SCRIB: variants seen among roughly 807,000 people sequenced by gnomAD.
SCRIB encodes scribble planar cell polarity protein.
Under a neutral mutation model 170.0 loss-of-function variants are expected in SCRIB, and 72 were observed. That is an observed-to-expected ratio of 0.42 (90% CI 0.35 to 0.52). SCRIB has a LOEUF of 0.52. SCRIB is among the 20% of genes least tolerant of loss of function. The probability of loss-of-function intolerance (pLI) is 0.02; values close to 1 mark genes in which losing one functional copy is unlikely to be tolerated. For missense variants in SCRIB, 2,475 were observed against 2,338.5 expected (o/e 1.06, Z -1.20); for synonymous variants, 1,298 against 1,044.3 (o/e 1.24, Z -4.68).
At chr8:143,808,488 C>T in intron 15 of SCRIB, 121 bp downstream of exon 15, 1 of 1,257,756 alleles carries the variant, frequency 8.0e-7, no homozygotes, top group Admixed American at 2.8e-5. Context: ...CACGTGTCCA[C>T]CACCTTCTCC....
intron 15 of SCRIB, among the ~76,000 whole-genome samples, chr8:143,808,311 G>C: frequency 6.6e-6 from 1 of 152,232 alleles, no homozygotes; most frequent in Non-Finnish European, 1.5e-5. Flanking sequence ...GCCAGGGCAG[G>C]CCTGGGGTCC....
Position 143,793,068 on chromosome 8 carries a change from A to T in SCRIB, c.3925T>A (p.Ser1309Thr). The T allele has an allele frequency of 6.7e-7, 1 of 1,483,366 alleles. No individual in the cohort carries two copies. Among genetic ancestry groups the T allele is most frequent in the Non-Finnish European group, 9.0e-7 (1 of 1,115,814 alleles). The allele number at this position is 1,483,366 out of a possible 1,614,324, so 91.9% of individuals were successfully genotyped here. A position where few individuals can be genotyped will look rare whatever the true frequency, so the allele number is the denominator to read the frequency against. ...PSGQQPPSPP[S>T]PDELPANVKQ... ...ACATTGGCGGGCAGCTCATCCGGAGAAGGCGGGGAGGGCGGCTGGGGGGTG... is the reference window on the plus strand; with the variant it reads ...ACATTGGCGGGCAGCTCATCCGGAGTAGGCGGGGAGGGCGGCTGGGGGGTG... Residue 1309 changes from serine to threonine, a missense_variant, in exon 29 of 37, where the codon TCT (serine) becomes ACT (threonine). By Grantham distance (58) the Ser-to-Thr change is moderately conservative. Transcript: ENST00000356994.
chr8:143,811,726 G>A (rs1410189747), intron 9 of SCRIB, among the ~76,000 whole-genome samples: 3 of 152,062 alleles, frequency 2.0e-5, no homozygotes, highest in Non-Finnish European at 2.9e-5. Context: ...TGCCTGCTCA[G>A]GGCCAGCCCC....
At chr8:143,793,122 T>C in intron 28 of SCRIB, 39 bp from the exon 29 acceptor site, 1 of 1,206,080 alleles carries the variant, frequency 8.3e-7, no homozygotes, top group South Asian at 1.7e-5. Context: ...CTGGGGCAGC[T>C]GTCGGGGCTG....
Position 143,792,120 on chromosome 8 carries a change from C to G in SCRIB, c.4528G>C (p.Glu1510Gln), listed in dbSNP as rs1814713917. The change falls in exon 33 of 37, where the codon GAA becomes CAA. Residue 1510 changes from glutamate (E) to glutamine (Q), a missense_variant. Glu to Gln is a conservative substitution (Grantham distance 29). Coordinates refer to ENST00000356994, the MANE Select transcript of SCRIB (RefSeq NM_182706.5). ...ATCTGTGCTCGGAGAGCGTCCTGTTCCAATGACTTCATCCTGCAGAGAACA... is the reference window on the plus strand; with the variant it reads ...ATCTGTGCTCGGAGAGCGTCCTGTTGCAATGACTTCATCCTGCAGAGAACA... Reference protein sequence around the residue: ...LWRAARMKSLEQDALRAQMVL... With the variant: ...LWRAARMKSLQQDALRAQMVL... The G allele has an allele frequency of 6.3e-7, 1 of 1,578,264 alleles. No homozygotes were observed. Among genetic ancestry groups the G allele is most frequent in the African/African-American group, 1.3e-5 (1 of 74,352 alleles).
Position 143,792,854 on chromosome 8 carries a change from C to T in SCRIB, c.4031G>A (p.Gly1344Glu), listed in dbSNP as rs1814763701. 3.9e-6 allele frequency: 6 copies of T among 1,524,366 alleles called. No homozygotes were observed. The East Asian group carries it at 1.1e-4, about 29-fold the overall frequency. The allele number at this position is 1,524,366 out of a possible 1,614,324, so 94.4% of individuals were successfully genotyped here. ...CAGCTGCTCCGGGGAGGCTGCAGGC[C>T]CAGGCGTGGGGGGCTGGGGGGAGCG... ...EDAPAQPPTP[G>E]PAASPEQLSF... Residue 1344 changes from glycine to glutamate, a missense_variant, in exon 30 of 37, where the codon GGG becomes GAG. Physicochemically the swap from Gly to Glu is moderately conservative, Grantham distance 98. Around this residue, in one of 3 missense-constraint regions of SCRIB, gnomAD observed 1,966 missense variants for 1,742.9 expected, o/e 1.13. Transcript: ENST00000356994.
chr8:143,796,345 G>T (rs1163498325), intron 24 of SCRIB, among the ~76,000 whole-genome samples: 2 of 152,208 alleles, frequency 1.3e-5, no homozygotes, highest in African/African-American at 4.8e-5. Flanking sequence ...CCTCATCACA[G>T]ACGGGGTCCC....
chr8:143,796,687 T>G (rs1263546563), intron 24 of SCRIB, among the ~76,000 whole-genome samples: 4 of 152,158 alleles, frequency 2.6e-5, no homozygotes, highest in African/African-American at 9.7e-5. Context: ...CAGGCAGACT[T>G]AGCTACGTCT....
Position 143,791,223 on chromosome 8 carries a change from C to T in SCRIB, c.4908G>A (p.Leu1636=). Reference sequence around the variant, plus strand: ...GCCTTACGGGGCGGCGGCTGCTGCACAGTGCCACATCTTCAGGGCCCACAG... The same window carrying T: ...GCCTTACGGGGCGGCGGCTGCTGCATAGTGCCACATCTTCAGGGCCCACAG... ...PGAVGPEDVA[L]CSSRRPVRPG... Residue 1636 remains leucine (L), a synonymous_variant, in exon 37 of 37, where the codon CTG becomes CTA. Transcript: ENST00000356994. 1.4e-6 allele frequency: 2 copies of T among 1,470,384 alleles called. No individual in the cohort carries two copies. Among genetic ancestry groups the T allele is most frequent in the South Asian group, 1.4e-5 (1 of 69,782 alleles). The allele number at this position is 1,470,384 out of a possible 1,614,324, so 91.1% of individuals were successfully genotyped here. A position where few individuals can be genotyped will look rare whatever the true frequency, so the allele number is the denominator to read the frequency against.
rs782237093 is a variant in SCRIB, at chr8:143,792,618, TCTG to T, written c.4192_4194del (p.Gln1398del). On this transcript the variant is annotated inframe_deletion, in exon 31 of 37. Coordinates refer to ENST00000356994, the MANE Select transcript of SCRIB (RefSeq NM_182706.5). Reference sequence around the variant, plus strand: ...GCCTCCCGCAGCATCTGCGCTCTCTTCTGCTGTAGTTTTCTGGCTGCCGGAGGG... The same window carrying T: ...GCCTCCCGCAGCATCTGCGCTCTCTTCTGTAGTTTTCTGGCTGCCGGAGGG... 1 of 1,594,292 alleles carries T rather than the reference TCTG, an allele frequency of 6.3e-7. No individual in the cohort carries two copies. Among genetic ancestry groups the T allele is most frequent in the Non-Finnish European group, 8.5e-7 (1 of 1,177,560 alleles).
chr8:143,813,127 T>C (rs188666535), intron 6 of SCRIB, 23 bp from the exon 7 acceptor site: 4 of 1,571,778 alleles, frequency 2.5e-6, no homozygotes, highest in African/African-American at 2.7e-5. Flanking sequence ...ACAGAGAAAA[T>C]AGTGACTATG....
rs1451072625 is a variant in SCRIB, at chr8:143,795,179, A to G, written c.3772-67T>C. 1.9e-6 allele frequency: 3 copies of G among 1,597,178 alleles called. No homozygotes were observed. The African/African-American group carries it at 4.0e-5, about 21-fold the overall frequency. ...TGGCAGCACCCGGCCAGCACAGGGCAGGAGAGGGGGTCCTGGGGGTTACTA... is the reference window on the plus strand; with the variant it reads ...TGGCAGCACCCGGCCAGCACAGGGCGGGAGAGGGGGTCCTGGGGGTTACTA... On this transcript the variant is annotated intron_variant, in intron 26 of 36. Transcript: ENST00000356994.
intron 8 of SCRIB, 92 bp downstream of exon 8, chr8:143,812,725 T>G (rs552353845): frequency 1.3e-6 from 2 of 1,485,132 alleles, no homozygotes; most frequent in Non-Finnish European, 1.8e-6. Flanking sequence ...GATCCTCCCC[T>G]GTGTTCCACA....
intron 14 of SCRIB, 96 bp downstream of exon 14, chr8:143,809,455 T>G (rs1421485417): frequency 7.2e-7 from 1 of 1,385,524 alleles, no homozygotes; most frequent in South Asian, 1.3e-5. Flanking sequence ...GCCCAGGCAC[T>G]GCCTGCACCA....
rs113368976 is a variant in SCRIB, at chr8:143,814,834, C to T, written c.159+380G>A. Reference sequence around the variant, plus strand: ...ATCAAGAGGGCTCCCCCACTCACCCCTGCACCCAGCAAAAAAGGAGAGGAG... The same window carrying T: ...ATCAAGAGGGCTCCCCCACTCACCCTTGCACCCAGCAAAAAAGGAGAGGAG... On this transcript the variant is annotated intron_variant, in intron 1 of 36. Coordinates refer to ENST00000356994, the MANE Select transcript of SCRIB (RefSeq NM_182706.5). 7.1e-4 allele frequency: 171 copies of T among 240,476 alleles called. 1 individual carries two copies. Among genetic ancestry groups the T allele is most frequent in the Admixed American group, 1.1e-3 (20 of 18,176 alleles). The allele number at this position is 240,476 out of a possible 1,614,324, so 14.9% of individuals were successfully genotyped here.
At position 143,809,597 on chromosome 8, in the gene SCRIB, G is replaced by T. The variant is rs778078548; in HGVS notation, c.1652C>A (p.Ala551Asp). 8 of 1,611,424 alleles carry T rather than the reference G, an allele frequency of 5.0e-6. No homozygotes were observed. In the South Asian group the frequency reaches 8.8e-5, roughly 18 times the overall value. ...AEAQGGSQQE[A>D]TTAGGEEDAE... is the part of the protein sequence containing the mutation. ...GTCTTCCTCCCCGCCAGCAGTCGTG[G>T]CTTCCTGCTGGCTCCCACCCTGTGC... Residue 551 changes from alanine to aspartate, a missense_variant, in exon 14 of 37, where the codon GCC (alanine) becomes GAC (aspartate). Around this residue, in one of 3 missense-constraint regions of SCRIB, gnomAD observed 1,966 missense variants for 1,742.9 expected, o/e 1.13. Coordinates refer to ENST00000356994, the MANE Select transcript of SCRIB (RefSeq NM_182706.5).
At chr8:143,814,193 G>T in intron 1 of SCRIB, 75 bp from the exon 2 acceptor site, 2 of 1,277,284 alleles carry the variant, frequency 1.6e-6, no homozygotes, top group Non-Finnish European at 2.2e-6. Context: ...ACACGTGAGT[G>T]TCACAAGTCA....
In SCRIB at chr8:143,813,825, G is replaced by A; in HGVS notation, c.349C>T (p.Leu117Phe). The change falls in exon 3 of 37, where the codon CTC (leucine) becomes TTC (phenylalanine). Residue 117 changes from leucine to phenylalanine, a missense_variant. Coordinates refer to ENST00000356994, the MANE Select transcript of SCRIB (RefSeq NM_182706.5). Reference sequence around the variant, plus strand: ...CCACAGGCTGCCACCCACCTGGAGAGGGGGTTCCCGCTGAAGTCCGCGATC... The same window carrying A: ...CCACAGGCTGCCACCCACCTGGAGAAGGGGTTCCCGCTGAAGTCCGCGATC... Reference protein sequence around the residue: ...LEIADFSGNPLSRLPDGFTQL... With the variant: ...LEIADFSGNPFSRLPDGFTQL... The A allele has an allele frequency of 1.2e-6, 2 of 1,609,338 alleles. No homozygotes were observed. Among genetic ancestry groups the A allele is most frequent in the Non-Finnish European group, 1.7e-6 (2 of 1,177,202 alleles).
In SCRIB at chr8:143,793,780, C is replaced by T. The variant is rs1027630440; in HGVS notation, c.3909+120G>A. 84 of 994,002 alleles carry T rather than the reference C, an allele frequency of 8.5e-5. No individual in the cohort carries two copies. The African/African-American group carries it at 1.1e-3, about 13-fold the overall frequency. The allele number at this position is 994,002 out of a possible 1,614,324, so 61.6% of individuals were successfully genotyped here. A position where few individuals can be genotyped will look rare whatever the true frequency, so the allele number is the denominator to read the frequency against. On this transcript the variant is annotated intron_variant, in intron 28 of 36. Transcript: ENST00000356994. ...ATGGTAGCAGAGGGAAAACCGGAGT[C>T]AACAGCACCCCACGATGGCCCCTGA...
Sources: gnomAD v4.1 joint callset for allele counts (sites outside exome capture counted in the v4.1 genomes callset) on GRCh38, gnomAD v4.1.1 for gene constraint, gnomAD v4.1.1 regional missense constraint, MANE v1.5 for transcripts, NCBI Gene and HGNC (gene_info 2026-07-23, HGNC 2026-07-21) for gene names.